The following MAPKAPK2 variants were observed in gnomAD, a reference collection of about 807,000 sequenced individuals.
MAPKAPK2 encodes MAPK activated protein kinase 2.
A neutral mutation model predicts 48.8 loss-of-function variants in MAPKAPK2; 9 were observed. The ratio of observed to expected loss-of-function variants is 0.18; its 90% CI spans 0.11 to 0.32. The LOEUF is 0.32. Ranked by LOEUF, MAPKAPK2 falls within the 10% of genes least tolerant of loss-of-function variation. The pLI, the probability that MAPKAPK2 is intolerant of heterozygous loss-of-function variation, is 1.00. For missense variants in MAPKAPK2, 331 were observed against 498.3 expected (o/e 0.66, Z 3.20); for synonymous variants, 202 against 190.6 (o/e 1.06, Z -0.49).
At chr1:206,691,553 G>C (rs1672460052) in intron 1 of MAPKAPK2, among the ~76,000 whole-genome samples, 2 of 139,140 alleles carry the variant, frequency 1.4e-5, no homozygotes, top group African/African-American at 5.3e-5. Context: ...GTTACCATGG[G>C]TTATGTGCTA....
chr1:206,705,694 G>A (rs1229960757), intron 1 of MAPKAPK2, among the ~76,000 whole-genome samples: 5 of 152,210 alleles, frequency 3.3e-5, no homozygotes, highest in East Asian at 3.8e-4. Context: ...TTAGCTCTCC[G>A]TTACCCAGGG....
rs543119544 is a variant in MAPKAPK2, at chr1:206,705,792, T to A, written c.279+20284T>A. 2.1e-4 allele frequency among the ~76,000 whole-genome samples: 32 copies of A among 152,280 alleles called. No homozygotes were observed. The South Asian group carries it at 5.8e-3, about 28-fold the overall frequency. Reference sequence around the variant, plus strand: ...ATGGAAGTTTGTGGAGTTTGAAAATTCGAGAGTCCTGGCTGGACTTGTGCT... The same window carrying A: ...ATGGAAGTTTGTGGAGTTTGAAAATACGAGAGTCCTGGCTGGACTTGTGCT... On this transcript the variant is annotated intron_variant, in intron 1 of 9. Coordinates refer to ENST00000367103, the MANE Select transcript of MAPKAPK2 (RefSeq NM_032960.4).
intron 1 of MAPKAPK2, among the ~76,000 whole-genome samples, chr1:206,714,131 C>T (rs1268421689): frequency 6.6e-6 from 1 of 152,124 alleles, no homozygotes; most frequent in African/African-American, 2.4e-5. Flanking sequence ...AGCAGCCTGT[C>T]CTAGATCCAC....
At chr1:206,714,585 GA>G (rs1482695350) in intron 1 of MAPKAPK2, among the ~76,000 whole-genome samples, 3 of 151,360 alleles carry the variant, frequency 2.0e-5, no homozygotes, top group Non-Finnish European at 2.9e-5. Flanking sequence ...CCAGCATGGT[GA>G]AACCCTGTCT....
intron 1 of MAPKAPK2, among the ~76,000 whole-genome samples, chr1:206,692,051 C>G (rs1672478966): frequency 6.6e-6 from 1 of 152,188 alleles, no homozygotes; most frequent in South Asian, 2.1e-4. Context: ...ATGAGGAACT[C>G]TATTCCCTGT....
chr1:206,717,568 A>C (rs1553430558), intron 1 of MAPKAPK2, among the ~76,000 whole-genome samples: 2 of 152,140 alleles, frequency 1.3e-5, no homozygotes, highest in African/African-American at 2.4e-5. Context: ...ATCAATTCTT[A>C]GGGTTACATC....
chr1:206,729,743 GT>G (rs5780358), intron 4 of MAPKAPK2, among the ~76,000 whole-genome samples: 30,693 of 152,224 alleles, frequency 0.2, 3,248 homozygotes, highest in Middle Eastern at 0.31. Flanking sequence ...TTCCTGTGGT[GT>G]TTACTGCGGG....
intron 1 of MAPKAPK2, among the ~76,000 whole-genome samples, chr1:206,703,892 G>A (rs1353557672): frequency 6.6e-6 from 1 of 152,252 alleles, no homozygotes; most frequent in Non-Finnish European, 1.5e-5. Context: ...GGGGCAGCCT[G>A]CTAAAGAGGC....
Position 206,731,937 on chromosome 1 carries a change from G to T in MAPKAPK2, c.1059+18G>T. On this transcript the variant is annotated intron_variant, in intron 9 of 9. Transcript: ENST00000367103. The surrounding 1 kb of genome is among the most constrained non-coding windows in gnomAD (Gnocchi z 5.9). ...ATGTCAAGGTGAGGGGCACCACTGGGTGAGAGGGGCTCCAGGTGGGGTGGG... is the reference window on the plus strand; with the variant it reads ...ATGTCAAGGTGAGGGGCACCACTGGTTGAGAGGGGCTCCAGGTGGGGTGGG... The T allele has an allele frequency of 6.2e-7, 1 of 1,614,188 alleles. No individual in the cohort carries two copies. The highest frequency in any genetic ancestry group is 8.5e-7 in the Non-Finnish European group (1 of 1,180,022).
At chr1:206,698,415 G>T (rs1672697089) in intron 1 of MAPKAPK2, among the ~76,000 whole-genome samples, 2 of 152,310 alleles carry the variant, frequency 1.3e-5, no homozygotes, top group South Asian at 4.1e-4. Context: ...ATACCCTTGA[G>T]ATCCAAAGCA....
rs1553432592 is a variant in MAPKAPK2 at position 206,731,156 on chromosome 1, C to T, written c.786C>T (p.Pro262=). ...GATGCAGGCTGTGTGGGTATCCCCCCTTCTACTCCAACCACGGCCTTGCCA... is the reference window on the plus strand; with the variant it reads ...GATGCAGGCTGTGTGGGTATCCCCCTTTCTACTCCAACCACGGCCTTGCCA... The part of the protein sequence containing the change: ...IMYILLCGYP[P]FYSNHGLAIS... The change falls in exon 7 of 10, where the codon CCC becomes CCT. Residue 262 remains proline (P), a synonymous_variant. Transcript: ENST00000367103. The surrounding 1 kb of genome is among the most constrained non-coding windows in gnomAD (Gnocchi z 5.9). 3 of 1,614,218 alleles carry T rather than the reference C, an allele frequency of 1.9e-6. No homozygotes were observed. Among genetic ancestry groups the T allele is most frequent in the Non-Finnish European group, 1.7e-6 (2 of 1,180,028 alleles).
intron 1 of MAPKAPK2, among the ~76,000 whole-genome samples, chr1:206,713,660 A>G (rs1007488100): frequency 6.6e-6 from 1 of 152,122 alleles, no homozygotes; most frequent in Non-Finnish European, 1.5e-5. Context: ...TGAGGTCAGG[A>G]GATTGAGACC....
intron 1 of MAPKAPK2, among the ~76,000 whole-genome samples, chr1:206,725,610 C>G (rs1276695771): frequency 6.6e-6 from 1 of 152,136 alleles, no homozygotes; most frequent in Non-Finnish European, 1.5e-5. Flanking sequence ...AAAGGTAGAC[C>G]TCTCTGTGAG....
intron 1 of MAPKAPK2, among the ~76,000 whole-genome samples, chr1:206,718,072 T>A (rs915194537): frequency 5.9e-5 from 9 of 152,218 alleles, no homozygotes; most frequent in Admixed American, 1.3e-4. Flanking sequence ...TGTTCAGTAC[T>A]TTTTTGTTTT....
In MAPKAPK2 at chr1:206,731,827, CTCTCT is replaced by C; in HGVS notation, c.979-7_979-3del. 3.7e-6 allele frequency: 6 copies of C among 1,614,072 alleles called. No individual in the cohort carries two copies. The highest frequency in any genetic ancestry group is 5.1e-6 in the Non-Finnish European group (6 of 1,179,942). ...CCAGGCTTTCACTCGGACCCCTTTT[CTCTCT>C]TCTCAGCAATCAACAAAGGTCCCTC... is the stretch of plus-strand genomic sequence containing the variant. On this transcript the variant is annotated splice_polypyrimidine_tract_variant and splice_region_variant and intron_variant, in intron 8 of 9. Coordinates refer to ENST00000367103, the MANE Select transcript of MAPKAPK2 (RefSeq NM_032960.4). This position sits in a 1 kb window ranked among gnomAD's most constrained non-coding sequence, Gnocchi z 5.9.
In MAPKAPK2 at chr1:206,731,082, A is replaced by G; in HGVS notation, c.768-56A>G. 1.2e-6 allele frequency: 2 copies of G among 1,610,318 alleles called. No individual in the cohort carries two copies. The highest frequency in any genetic ancestry group is 1.7e-6 in the Non-Finnish European group (2 of 1,176,546). ...CTGTTTCTCATCCTGTTCCTGGTAC[A>G]GGGCCACTAAGTGACAGCTGTTCTG... On this transcript the variant is annotated intron_variant, in intron 6 of 9. Coordinates refer to ENST00000367103, the MANE Select transcript of MAPKAPK2 (RefSeq NM_032960.4). This position sits in a 1 kb window ranked among gnomAD's most constrained non-coding sequence, Gnocchi z 5.9.
Position 206,731,099 on chromosome 1 carries a change from G to C in MAPKAPK2, c.768-39G>C. On this transcript the variant is annotated intron_variant, in intron 6 of 9. Transcript: ENST00000367103. The surrounding 1 kb of genome is among the most constrained non-coding windows in gnomAD (Gnocchi z 5.9). ...CCTGGTACAGGGCCACTAAGTGACA[G>C]CTGTTCTGTCTCCCACTTCCTTCCT... 1 of 1,613,954 alleles carries C rather than the reference G, an allele frequency of 6.2e-7. No homozygotes were observed. The highest frequency in any genetic ancestry group is 8.5e-7 in the Non-Finnish European group (1 of 1,179,814).
chr1:206,722,950 C>T (rs1673576842), intron 1 of MAPKAPK2, among the ~76,000 whole-genome samples: 2 of 152,258 alleles, frequency 1.3e-5, no homozygotes, highest in Non-Finnish European at 2.9e-5. Flanking sequence ...ACACACGTGG[C>T]TTTCCCCCGA....
At chr1:206,692,550 A>C (rs1449053731) in intron 1 of MAPKAPK2, among the ~76,000 whole-genome samples, 1 of 152,232 alleles carries the variant, frequency 6.6e-6, no homozygotes, top group African/African-American at 2.4e-5. Flanking sequence ...AGAAAGCCAC[A>C]GTAGAAGGAG....
Sources: allele counts gnomAD v4.1 joint callset (sites outside exome capture counted in the v4.1 genomes callset), GRCh38; gene constraint gnomAD v4.1.1; non-coding constraint Gnocchi (gnomAD v3.1); transcripts MANE v1.5; gene names NCBI Gene and HGNC (gene_info 2026-07-23, HGNC 2026-07-21).